The following CPM variants were observed in gnomAD, a reference collection of about 807,000 sequenced individuals.
CPM encodes carboxypeptidase M, also known as renal carboxypeptidase.
A neutral mutation model predicts 46.4 loss-of-function variants in CPM; 35 were observed. That is an observed-to-expected ratio of 0.75 (90% CI 0.58 to 1.00). The LOEUF is 1.00. Ranked by LOEUF, CPM falls within the 50% of genes least tolerant of loss-of-function variation. CPM has a pLI of 0.00. For missense variants in CPM, 422 were observed against 530.4 expected (o/e 0.80, Z 2.01); for synonymous variants, 195 against 195.3 (o/e 1.00, Z 0.01).
downstream of CPM, chr12:68,849,770 G>A (rs1345233320): frequency 6.6e-6 from 1 of 151,890 alleles, no homozygotes; most frequent in Non-Finnish European, 1.5e-5. Context: ...GAGCCACCAT[G>A]CCTGGCAAAT....
chr12:68,917,394 A>G (rs1820646362), intron 2 of CPM, among the ~76,000 whole-genome samples: 1 of 152,240 alleles, frequency 6.6e-6, no homozygotes, highest in Admixed American at 6.5e-5. Context: ...GCATTCAATA[A>G]ATGTTTACTA....
chr12:68,943,522 C>T (rs907458085), intron 1 of CPM, among the ~76,000 whole-genome samples: 1 of 152,114 alleles, frequency 6.6e-6, no homozygotes, highest in Admixed American at 6.5e-5. Flanking sequence ...TGGAATAGAC[C>T]TTTATCAACC....
chr12:68,891,121 T>G (rs1365165593), intron 2 of CPM, among the ~76,000 whole-genome samples: 1 of 152,272 alleles, frequency 6.6e-6, no homozygotes, highest in East Asian at 1.9e-4. Flanking sequence ...AAGGCTGCAC[T>G]GTAGTGTGAG....
intron 2 of CPM, among the ~76,000 whole-genome samples, chr12:68,926,589 T>G (rs1389410369): frequency 6.6e-6 from 1 of 152,100 alleles, no homozygotes; most frequent in African/African-American, 2.4e-5. Context: ...TACTTTAAGT[T>G]TTAGGGTACA....
At chr12:68,848,188 T>C (rs1470971700), downstream of CPM, 1 of 152,236 alleles carries the variant, frequency 6.6e-6, no homozygotes. Flanking sequence ...TGTGATTTTT[T>C]GTTTGTTTTT....
At chr12:68,957,821 C>T (rs1889048492) in intron 1 of CPM, 1 of 152,020 alleles carries the variant, frequency 6.6e-6, no homozygotes, top group South Asian at 2.1e-4. Context: ...AGGTATTTCT[C>T]CTAATGCTGT....
chr12:68,945,852 T>C (rs1888838459), intron 1 of CPM, among the ~76,000 whole-genome samples: 2 of 136,088 alleles, frequency 1.5e-5, no homozygotes, highest in African/African-American at 5.6e-5. Context: ...CTTTCTTTTT[T>C]TTTTTTTTTT....
intron 1 of CPM, among the ~76,000 whole-genome samples, chr12:68,961,988 C>T (rs1889123571): frequency 6.6e-6 from 1 of 152,102 alleles, no homozygotes; most frequent in African/African-American, 2.4e-5. Flanking sequence ...ATCACGAGGT[C>T]AGCAGGTCGA....
intron 2 of CPM, among the ~76,000 whole-genome samples, chr12:68,919,173 C>A (rs1056261789): frequency 3.9e-5 from 6 of 152,204 alleles, no homozygotes; most frequent in African/African-American, 1.4e-4. Context: ...TCTTTTCAGG[C>A]AGGCCTCCTG....
In CPM at chr12:68,856,392, T is replaced by A. The variant is rs1488121955; in HGVS notation, c.*45A>T. 1 of 1,588,626 alleles carries A rather than the reference T, an allele frequency of 6.3e-7. No homozygotes were observed. The highest frequency in any genetic ancestry group is 1.7e-5 in the Admixed American group (1 of 58,392). ...GGTTGCAGTAACCTGGAGTGAGCAA[T>A]CCCTGATTCCAGGTGGTGATGTGGG... is the stretch of plus-strand genomic sequence containing the variant. On this transcript the variant is annotated 3_prime_UTR_variant, in exon 9 of 9. Coordinates refer to ENST00000551568, the MANE Select transcript of CPM (RefSeq NM_198320.5).
intron 1 of CPM, among the ~76,000 whole-genome samples, chr12:68,953,927 T>C (rs1347018682): frequency 1.3e-5 from 2 of 152,256 alleles, no homozygotes; most frequent in Non-Finnish European, 2.9e-5. Flanking sequence ...GCTGTGTGTT[T>C]ATGGTGGCTT....
intron 1 of CPM, among the ~76,000 whole-genome samples, chr12:68,959,861 A>T (rs1237093792): frequency 6.6e-6 from 1 of 152,246 alleles, no homozygotes; most frequent in South Asian, 2.1e-4. Flanking sequence ...CAGCTCTGCT[A>T]TATCCCCAGG....
intron 2 of CPM, among the ~76,000 whole-genome samples, chr12:68,895,610 C>G (rs1189287418): frequency 1.3e-5 from 2 of 152,162 alleles, no homozygotes; most frequent in Non-Finnish European, 2.9e-5. Context: ...ATTGCTGATA[C>G]CTGTGCTTTT....
At chr12:68,844,528 C>T (rs1022941690) in intron 5 of CPM, 2 of 228,426 alleles carry the variant, frequency 8.8e-6, no homozygotes, top group Admixed American at 5.7e-5. Flanking sequence ...GGCTAGCCAC[C>T]GTACCACTTG....
At chr12:68,845,119 T>G (rs1884169900) in intron 5 of CPM, 1 of 221,896 alleles carries the variant, frequency 4.5e-6, no homozygotes, top group South Asian at 1.8e-4. Context: ...CTTATGATGG[T>G]AACCACAAGT....
intron 2 of CPM, among the ~76,000 whole-genome samples, chr12:68,915,615 C>A (rs1887772696): frequency 6.6e-6 from 1 of 152,218 alleles, no homozygotes; most frequent in Admixed American, 6.5e-5. Context: ...CTGTAACGAA[C>A]AAAGCCCCAT....
intron 2 of CPM, among the ~76,000 whole-genome samples, chr12:68,928,104 T>C (rs1342127316): frequency 6.6e-6 from 1 of 152,230 alleles, no homozygotes; most frequent in Non-Finnish European, 1.5e-5. Flanking sequence ...GGCATCATGC[T>C]ACCTGACTTC....
chr12:68,958,103 T>A (rs983033791), intron 1 of CPM, among the ~76,000 whole-genome samples: 37 of 152,326 alleles, frequency 2.4e-4, no homozygotes, highest in Non-Finnish European at 2.9e-5. Flanking sequence ...GATGGACATT[T>A]GGGTTGGTTC....
Position 68,928,433 on chromosome 12 carries a change from G to T in CPM, c.160+4245C>A, listed in dbSNP as rs185095342. Among the ~76,000 whole-genome samples the T allele has an allele frequency of 3.7e-3, 560 of 152,310 alleles. 3 individuals carry two copies. The highest frequency in any genetic ancestry group is 5.9e-3 in the Non-Finnish European group (400 of 68,022). On this transcript the variant is annotated intron_variant, in intron 2 of 8. Transcript: ENST00000551568. ...TAAAAGAGAATAGAGAGGTGCTTGG[G>T]AAATAGGCAGATCTGAGTTTGAATC...
Sources: allele counts gnomAD v4.1 joint callset (sites outside exome capture counted in the v4.1 genomes callset), GRCh38; gene constraint gnomAD v4.1.1; transcripts MANE v1.5; gene names NCBI Gene and HGNC (gene_info 2026-07-23, HGNC 2026-07-21).